The following MZF1 variants were observed in gnomAD, a reference collection of about 807,000 sequenced individuals.
MZF1 encodes zinc finger and SCAN domain-containing protein 6.
Under a neutral mutation model 28.6 loss-of-function variants are expected in MZF1, and 24 were observed. The observed-to-expected ratio is 0.84, with a 90% CI of 0.61 to 1.18. The LOEUF (loss-of-function observed/expected upper bound fraction) is 1.18, where lower values mean the gene tolerates loss of function less well. MZF1 is among the 50% of genes most tolerant of loss of function. The probability of loss-of-function intolerance (pLI) is 0.00; values close to 1 mark genes in which losing one functional copy is unlikely to be tolerated. For synonymous variants in MZF1, 516 were observed against 432.5 expected (o/e 1.19, Z -2.40); for missense variants, 1,166 against 1,026.4 (o/e 1.14, Z -1.86).
chr19:58,562,502 G>C lies in MZF1; in HGVS notation c.1775C>G (p.Thr592Arg). The change falls in exon 6 of 6, where the codon ACG (threonine) becomes AGG (arginine). Residue 592 changes from threonine to arginine, a missense_variant. Transcript: ENST00000215057. ...PTLTQHLRVH[T>R]GEKPFACPEC... ...GGGGCAGGCAAAGGGTTTCTCGCCC[G>C]TGTGTACGCGGAGATGCTGCGTGAG... The C allele has an allele frequency of 6.2e-7, 1 of 1,607,758 alleles. No individual in the cohort carries two copies. The highest frequency in any genetic ancestry group is 8.5e-7 in the Non-Finnish European group (1 of 1,178,478).
In MZF1 at chr19:58,562,695, G is replaced by T. The variant is rs1415864177; in HGVS notation, c.1582C>A (p.Leu528Met). Residue 528 changes from leucine (L) to methionine (M), a missense_variant, in exon 6 of 6, where the codon CTG (leucine) becomes ATG (methionine). Coordinates refer to ENST00000215057, the MANE Select transcript of MZF1 (RefSeq NM_198055.2). ...CGERFGRRSV[L>M]LQHRRVHSGE... is the part of the protein sequence containing the mutation. ...CTGTGCACGCGCCGGTGCTGCAGCA[G>T]CACTGAGCGGCGGCCGAAGCGCTCG... 3 of 1,537,432 alleles carry T rather than the reference G, an allele frequency of 2.0e-6. No homozygotes were observed. The highest frequency in any genetic ancestry group is 8.7e-7 in the Non-Finnish European group (1 of 1,147,908).
At chr19:58,567,715 G>A (rs547087448) in intron 5 of MZF1, among the ~76,000 whole-genome samples, 33 of 152,308 alleles carry the variant, frequency 2.2e-4, no homozygotes, top group South Asian at 4.1e-4. Context: ...GTCCCTTCCA[G>A]CCAGTAAGCC....
chr19:58,571,109 C>T lies in MZF1; in HGVS notation c.281G>A (p.Gly94Asp). The T allele has an allele frequency of 1.2e-6, 2 of 1,613,986 alleles. No homozygotes were observed. The highest frequency in any genetic ancestry group is 1.7e-6 in the Non-Finnish European group (2 of 1,180,008). ...LELLVLEQFL[G>D]ALPPEIQARV... Reference sequence around the variant, plus strand: ...GGCCTGGATCTCAGGGGGCAGTGCGCCCAGGAACTGCTCCAGCACCAACAG... The same window carrying T: ...GGCCTGGATCTCAGGGGGCAGTGCGTCCAGGAACTGCTCCAGCACCAACAG... The change falls in exon 2 of 6, where the codon GGC becomes GAC. Residue 94 changes from glycine to aspartate, a missense_variant. Transcript: ENST00000215057.
Position 58,563,130 on chromosome 19 carries a change from G to T in MZF1, c.1147C>A (p.Pro383Thr). The part of the protein sequence containing the change: ...RHQKIHTGER[P>T]FVCSECGRSF... ...CGGCCGCACTCGCTGCACACGAATG[G>T]TCGCTCACCCGTGTGGATCTTCTGG... Residue 383 changes from proline to threonine, a missense_variant, in exon 6 of 6, where the codon CCA becomes ACA. Transcript: ENST00000215057. 6.2e-7 allele frequency: 1 copy of T among 1,608,364 alleles called. No individual in the cohort carries two copies. Among genetic ancestry groups the T allele is most frequent in the Non-Finnish European group, 8.5e-7 (1 of 1,179,726 alleles).
intron 1 of MZF1, 36 bp from the exon 2 acceptor site, chr19:58,571,465 AGT>A: frequency 6.4e-7 from 1 of 1,558,890 alleles, no homozygotes; most frequent in Non-Finnish European, 8.7e-7. Context: ...TTGCAAAAGG[AGT>A]ACAGTGAATG....
In MZF1 at chr19:58,573,136, G is replaced by A. The variant is rs1312697729; in HGVS notation, c.-122C>T. On this transcript the variant is annotated 5_prime_UTR_variant, in exon 1 of 6. Transcript: ENST00000215057. ...CCTCCCGCTGGACTACGTCTCCCAG[G>A]ATGCTCCGCGCACCAGCTCGAGCGC... 6.5e-6 allele frequency: 1 copy of A among 154,300 alleles called. No individual in the cohort carries two copies. The highest frequency in any genetic ancestry group is 1.5e-5 in the Non-Finnish European group (1 of 68,710). The allele number at this position is 154,300 out of a possible 1,614,324, so 9.6% of individuals were successfully genotyped here.
At position 58,563,141 on chromosome 19, in the gene MZF1, G is replaced by A. The variant is rs759600256; in HGVS notation, c.1136C>T (p.Thr379Met). The part of the protein sequence containing the change: ...SNLLRHQKIH[T>M]GERPFVCSEC... Reference sequence around the variant, plus strand: ...GCTGCACACGAATGGTCGCTCACCCGTGTGGATCTTCTGGTGCCTCAGCAG... The same window carrying A: ...GCTGCACACGAATGGTCGCTCACCCATGTGGATCTTCTGGTGCCTCAGCAG... Residue 379 changes from threonine (T) to methionine (M), a missense_variant, in exon 6 of 6, where the codon ACG (threonine) becomes ATG (methionine). Physicochemically the swap from Thr to Met is moderately conservative, Grantham distance 81. Coordinates refer to ENST00000215057, the MANE Select transcript of MZF1 (RefSeq NM_198055.2). 10 of 1,609,006 alleles carry A rather than the reference G, an allele frequency of 6.2e-6. No individual in the cohort carries two copies. Among genetic ancestry groups the A allele is most frequent in the Non-Finnish European group, 8.5e-6 (10 of 1,179,732 alleles).
In MZF1 at chr19:58,562,314, A is replaced by T; in HGVS notation, c.1963T>A (p.Cys655Ser). 6.2e-7 allele frequency: 1 copy of T among 1,609,844 alleles called. No individual in the cohort carries two copies. Among genetic ancestry groups the T allele is most frequent in the South Asian group, 1.1e-5 (1 of 90,868 alleles). ...CGAAAGCTCTGGCCGCACTCGGGGC[A>T]GGCGAAGGGCCGTTCGCCCGTGTGG... ...RIHTGERPFA[C>S]PECGQSFRQH... Residue 655 changes from cysteine (C) to serine (S), a missense_variant, in exon 6 of 6, where the codon TGC (cysteine) becomes AGC (serine). Cys to Ser is a moderately radical substitution (Grantham distance 112, BLOSUM62 -1). Coordinates refer to ENST00000215057, the MANE Select transcript of MZF1 (RefSeq NM_198055.2).
At chr19:58,572,422 G>T (rs1055443608) in intron 1 of MZF1, 55 of 606,412 alleles carry the variant, frequency 9.1e-5, no homozygotes, top group Non-Finnish European at 1.3e-4. Context: ...CAATGGGTGG[G>T]GGGGCGGCAA....
intron 1 of MZF1, chr19:58,572,801 A>C (rs896367818): frequency 2.3e-5 from 9 of 385,796 alleles, no homozygotes; most frequent in Non-Finnish European, 1.4e-5. Flanking sequence ...TCCAGGCGGC[A>C]ACTTCCGCTC....
Position 58,563,233 on chromosome 19 carries a change from A to G in MZF1, c.1044T>C (p.Thr348=), listed in dbSNP as rs746072024. 8.1e-6 allele frequency: 13 copies of G among 1,609,900 alleles called. No homozygotes were observed. The African/African-American group carries it at 1.7e-4, about 22-fold the overall frequency. ...PRGRSRGRPS[T]GGGVVRGGRC... is the part of the protein sequence containing the mutation. ...GGCCGCCCCTAACCACCCCGCCCCC[A>G]GTGCTGGGGCGGCCCCGGCTCCGGC... is the stretch of plus-strand genomic sequence containing the variant. The change falls in exon 6 of 6, where the codon ACT becomes ACC. Residue 348 remains threonine (T), a synonymous_variant. Coordinates refer to ENST00000215057, the MANE Select transcript of MZF1 (RefSeq NM_198055.2).
Position 58,570,080 on chromosome 19 carries a change from C to A in MZF1, c.580+264G>T, listed in dbSNP as rs576392265. 2.1e-5 allele frequency: 9 copies of A among 427,154 alleles called. No individual in the cohort carries two copies. The South Asian group carries it at 3.7e-4, about 17-fold the overall frequency. The allele number at this position is 427,154 out of a possible 1,614,324, so 26.5% of individuals were successfully genotyped here. On this transcript the variant is annotated intron_variant, in intron 3 of 5. Transcript: ENST00000215057. ...GACTGAACACCACATGCCATCTGTA[C>A]TGGGAAACCCCAACAGCCTGCTCCA...
In MZF1 at chr19:58,562,881, G is replaced by A. The variant is rs772674910; in HGVS notation, c.1396C>T (p.Pro466Ser). 2.0e-5 allele frequency: 31 copies of A among 1,563,550 alleles called. No homozygotes were observed. In the Admixed American group the frequency reaches 5.0e-4, roughly 25 times the overall value. ...GCCGGGGGCTTAGCGCCAGGGCCCG[G>A]GGGATCGCCGTGGATGCGCTGGTGC... is the stretch of plus-strand genomic sequence containing the variant. ...LQHQRIHGDP[P>S]GPGAKPPAPP... Residue 466 changes from proline (P) to serine (S), a missense_variant, in exon 6 of 6, where the codon CCG (proline) becomes TCG (serine). Transcript: ENST00000215057.
chr19:58,570,332 G>T lies in MZF1; in HGVS notation c.580+12C>A. ...ACCAGACCTTAGGCGCGCCCACCGT[G>T]CATGCCCTCACCTGAGTCCTCTGTA... On this transcript the variant is annotated intron_variant, in intron 3 of 5. Transcript: ENST00000215057. 6.2e-7 allele frequency: 1 copy of T among 1,604,378 alleles called. No individual in the cohort carries two copies. Among genetic ancestry groups the T allele is most frequent in the Non-Finnish European group, 8.5e-7 (1 of 1,174,356 alleles).
intron 1 of MZF1, chr19:58,572,079 G>A: frequency 6.2e-6 from 1 of 161,068 alleles, no homozygotes; most frequent in South Asian, 1.4e-4. Flanking sequence ...CTCTTTACCA[G>A]GTGGATGGCA....
Position 58,569,385 on chromosome 19 carries a change from C to T in MZF1, c.664G>A (p.Val222Met), listed in dbSNP as rs545859698. 1.9e-5 allele frequency: 31 copies of T among 1,614,078 alleles called. No homozygotes were observed. Among genetic ancestry groups the T allele is most frequent in the African/African-American group, 5.3e-5 (4 of 75,014 alleles). The change falls in exon 5 of 6, where the codon GTG becomes ATG. Residue 222 changes from valine (V) to methionine (M), a missense_variant. Coordinates refer to ENST00000215057, the MANE Select transcript of MZF1 (RefSeq NM_198055.2). The stretch of plus-strand genomic sequence containing the variant: ...CTGTGGGGAAAGATCTGGTCCAGCA[C>T]GGTCCCACATCTCTGAAATCACAGT... ...LPEEAQRCGT[V>M]LDQIFPHSKT...
rs1368545755 is a variant in MZF1, at chr19:58,563,340, T to G, written c.937A>C (p.Ser313Arg). ...TCCTCGTCCGTGGGGTCCTGTTCAC[T>G]CCTCAGATCGCTGGGGAGCAGAAGC... is the stretch of plus-strand genomic sequence containing the variant. The part of the protein sequence containing the change: ...HALLLPSDLR[S>R]EQDPTDEDPC... The change falls in exon 6 of 6, where the codon AGT (serine) becomes CGT (arginine). Residue 313 changes from serine to arginine, a missense_variant. Transcript: ENST00000215057. 9.3e-6 allele frequency: 15 copies of G among 1,608,942 alleles called. No homozygotes were observed. The East Asian group carries it at 1.8e-4, about 19-fold the overall frequency.
Position 58,563,256 on chromosome 19 carries a change from G to A in MZF1, c.1021C>T (p.Arg341Trp), listed in dbSNP as rs575404835. Residue 341 changes from arginine to tryptophan, a missense_variant, in exon 6 of 6, where the codon CGG becomes TGG. Coordinates refer to ENST00000215057, the MANE Select transcript of MZF1 (RefSeq NM_198055.2). ...ITTRWRSPRG[R>W]SRGRPSTGGG... ...CCAGTGCTGGGGCGGCCCCGGCTCCGGCCCCTGGGGGAGCGCCAGCGGGTG... is the reference window on the plus strand; with the variant it reads ...CCAGTGCTGGGGCGGCCCCGGCTCCAGCCCCTGGGGGAGCGCCAGCGGGTG... 25 of 1,607,174 alleles carry A rather than the reference G, an allele frequency of 1.6e-5. No homozygotes were observed. The Admixed American group carries it at 3.7e-4, about 24-fold the overall frequency.
In MZF1 at chr19:58,565,064, G is replaced by C. The variant is rs543668967; in HGVS notation, c.773-1560C>G. On this transcript the variant is annotated intron_variant, in intron 5 of 5. Coordinates refer to ENST00000215057, the MANE Select transcript of MZF1 (RefSeq NM_198055.2). ...TCTTCCTGAGTAGCTGGGATTATAG[G>C]CGTGCACCACCATGCCTGGCTAATT... 1.9e-4 allele frequency among the ~76,000 whole-genome samples: 29 copies of C among 150,978 alleles called. 1 individual carries two copies. In the East Asian group the frequency reaches 5.4e-3, roughly 28 times the overall value.
Sources: allele counts gnomAD v4.1 joint callset (sites outside exome capture counted in the v4.1 genomes callset), GRCh38; gene constraint gnomAD v4.1.1; transcripts MANE v1.5; gene names NCBI Gene and HGNC (gene_info 2026-07-23, HGNC 2026-07-21).